GPHN: variants seen among roughly 807,000 people sequenced by gnomAD.
The protein encoded by GPHN is gephyrin.
In GPHN, 17 loss-of-function variants were observed where a neutral mutation model predicts 95.5. That is an observed-to-expected ratio of 0.18 (90% CI 0.12 to 0.27). The LOEUF is 0.27. Among genes scored for constraint, GPHN ranks in the 10% least tolerant of loss-of-function variants. The pLI, the probability that GPHN is intolerant of heterozygous loss-of-function variation, is 1.00. For missense variants in GPHN, 660 were observed against 978.1 expected (o/e 0.67, Z 4.34); for synonymous variants, 320 against 322.5 (o/e 0.99, Z 0.08).
At chr14:67,635,241 CA>C in the GPHN span, among the ~76,000 whole-genome samples, 1 of 151,220 alleles carries the variant, frequency 6.6e-6, no homozygotes, top group Middle Eastern at 3.2e-3. Flanking sequence ...AAGACCATCT[CA>C]AAAAAAAGAG....
At chr14:66,850,459 A>G (rs888272186) in intron 4 of GPHN, among the ~76,000 whole-genome samples, 1 of 152,170 alleles carries the variant, frequency 6.6e-6, no homozygotes, top group Non-Finnish European at 1.5e-5. Flanking sequence ...ATAATATGCA[A>G]ACCATTTCAG....
chr14:67,674,309 G>A, the GPHN span: 4 of 1,395,996 alleles, frequency 2.9e-6, no homozygotes, highest in Non-Finnish European at 3.8e-6. Flanking sequence ...GGAGGAAGGT[G>A]GGAGAATCTT....
At chr14:66,965,496 G>A (rs1167304825) in intron 9 of GPHN, among the ~76,000 whole-genome samples, 171 bp downstream of exon 9, 1 of 152,038 alleles carries the variant, frequency 6.6e-6, no homozygotes, top group African/African-American at 2.4e-5. Flanking sequence ...GTCATATTAG[G>A]CCACTAGTAG....
At chr14:66,834,994 G>A (rs1419245488) in intron 4 of GPHN, among the ~76,000 whole-genome samples, 3 of 146,304 alleles carry the variant, frequency 2.1e-5, no homozygotes, top group African/African-American at 5.0e-5. Context: ...GAGAGTGTAT[G>A]TGTCAAGGAA....
the GPHN span, among the ~76,000 whole-genome samples, chr14:67,297,948 A>G: frequency 1.3e-5 from 2 of 152,222 alleles, no homozygotes; most frequent in African/African-American, 4.8e-5. Flanking sequence ...CTAGGCAAAT[A>G]GAATAAGGCA....
At chr14:66,803,734 T>G (rs540806329) in intron 3 of GPHN, among the ~76,000 whole-genome samples, 1 of 152,228 alleles carries the variant, frequency 6.6e-6, no homozygotes, top group African/African-American at 2.4e-5. Context: ...TTGTGGAGGT[T>G]TTTTTATTGT....
chr14:66,955,599 A>C (rs748572031), intron 8 of GPHN, among the ~76,000 whole-genome samples: 2 of 151,948 alleles, frequency 1.3e-5, no homozygotes, highest in East Asian at 3.9e-4. Flanking sequence ...TGTGCACAAC[A>C]TGCAGGTTTG....
the GPHN span, among the ~76,000 whole-genome samples, chr14:67,644,684 A>G: frequency 1.3e-5 from 2 of 152,198 alleles, no homozygotes; most frequent in East Asian, 3.8e-4. Context: ...GGAAAGGCAA[A>G]AACAGAAATA....
chr14:66,823,764 C>CA (rs1481447065), intron 3 of GPHN, among the ~76,000 whole-genome samples: 1 of 152,074 alleles, frequency 6.6e-6, no homozygotes, highest in Non-Finnish European at 1.5e-5. Flanking sequence ...ATCTCGGTAT[C>CA]AGCCTGCTAT....
intron 4 of GPHN, among the ~76,000 whole-genome samples, chr14:66,837,655 A>G (rs948497058): frequency 8.9e-5 from 13 of 146,148 alleles, no homozygotes; most frequent in Non-Finnish European, 1.6e-4. Flanking sequence ...ATAAATAAAT[A>G]AAAAGACTGT....
chr14:66,901,719 C>T (rs1226854507), intron 5 of GPHN, among the ~76,000 whole-genome samples: 5 of 151,824 alleles, frequency 3.3e-5, no homozygotes, highest in African/African-American at 4.8e-5. Context: ...CCTTATCTTC[C>T]CCATTGGTCT....
intron 9 of GPHN, among the ~76,000 whole-genome samples, chr14:66,966,812 A>G (rs1048134845): frequency 2.0e-5 from 3 of 151,988 alleles, no homozygotes; most frequent in Non-Finnish European, 4.4e-5. Flanking sequence ...ATATTTTTTG[A>G]AAATATTTTA....
the GPHN span, among the ~76,000 whole-genome samples, chr14:67,429,200 A>C: frequency 6.6e-6 from 1 of 151,696 alleles, no homozygotes; most frequent in South Asian, 2.1e-4. Context: ...CTGTAATCCC[A>C]GCACTTTGGG....
At chr14:67,642,430 CTTT>C in the GPHN span, 1 of 1,538,782 alleles carries the variant, frequency 6.5e-7, no homozygotes, top group Non-Finnish European at 8.8e-7. Flanking sequence ...AACTTAGCTT[CTTT>C]ATCTGTTTCT....
the GPHN span, among the ~76,000 whole-genome samples, chr14:67,209,817 C>T: frequency 4.2e-5 from 5 of 118,328 alleles, no homozygotes; most frequent in African/African-American, 1.6e-4. Flanking sequence ...GACTCCATCT[C>T]GGAAAAAAAA....
chr14:66,742,332 A>T (rs572816332), intron 2 of GPHN, among the ~76,000 whole-genome samples: 18 of 152,278 alleles, frequency 1.2e-4, no homozygotes, highest in African/African-American at 4.1e-4. Context: ...AACTAAAGAG[A>T]ATTAGATTTT....
chr14:67,054,685 A>T (rs1273595544), intron 10 of GPHN, among the ~76,000 whole-genome samples: 2 of 152,228 alleles, frequency 1.3e-5, no homozygotes, highest in Non-Finnish European at 2.9e-5. Flanking sequence ...GGCATCACAT[A>T]TCTGACTTCA....
At chr14:67,442,231 A>G in the GPHN span, among the ~76,000 whole-genome samples, 24 of 152,224 alleles carry the variant, frequency 1.6e-4, no homozygotes, top group African/African-American at 5.8e-4. Flanking sequence ...GACACTCTGC[A>G]GCACCCCATC....
chr14:67,499,844 TAA>T, the GPHN span, among the ~76,000 whole-genome samples: 94 of 150,434 alleles, frequency 6.2e-4, no homozygotes, highest in Non-Finnish European at 1.2e-3. Context: ...GACAAAGGGT[TAA>T]AAAAAAAAAG....
Sources: allele counts gnomAD v4.1 joint callset (sites outside exome capture counted in the v4.1 genomes callset), GRCh38; gene constraint gnomAD v4.1.1; transcripts MANE v1.5; gene names NCBI Gene and HGNC (gene_info 2026-07-23, HGNC 2026-07-21).